Variants in NPAT observed in about 807,000 individuals in gnomAD.
NPAT encodes the protein nuclear protein, coactivator of histone transcription.
NPAT carries 52 observed loss-of-function variants against 130.7 expected under a neutral mutation model. The ratio of observed to expected loss-of-function variants is 0.40; its 90% CI spans 0.32 to 0.50. The LOEUF is 0.50. Ranked by LOEUF, NPAT falls within the 20% of genes least tolerant of loss-of-function variation. NPAT has a pLI of 0.68. For missense variants in NPAT, 1,687 were observed against 1,662.6 expected, an observed-to-expected ratio of 1.01 and a Z score of -0.26; for synonymous variants, 580 against 584.8, an observed-to-expected ratio of 0.99 and a Z score of 0.12.
chr11:108,180,252 A>G (rs1036565743), intron 10 of NPAT, among the ~76,000 whole-genome samples: 1 of 152,144 alleles, frequency 6.6e-6, no homozygotes, highest in African/African-American at 2.4e-5. Flanking sequence ...ACCTGAGCTC[A>G]AAGAGGTTCA....
intron 10 of NPAT, among the ~76,000 whole-genome samples, chr11:108,184,017 C>A (rs114402292): frequency 0.011 from 1,738 of 151,772 alleles, 36 homozygotes; most frequent in African/African-American, 0.04. Flanking sequence ...ATGAACAAAT[C>A]TTAAAACATA....
chr11:108,199,127 C>T (rs993507424), intron 1 of NPAT, among the ~76,000 whole-genome samples: 2 of 152,118 alleles, frequency 1.3e-5, no homozygotes, highest in Admixed American at 6.6e-5. Flanking sequence ...ATGCTGTGGG[C>T]GGTGGGAAGG....
At chr11:108,214,631 ATTTTT>A (rs575646719) in intron 1 of NPAT, among the ~76,000 whole-genome samples, 1 of 140,394 alleles carries the variant, frequency 7.1e-6, no homozygotes, top group Non-Finnish European at 1.6e-5. Flanking sequence ...TATGATTCCA[ATTTTT>A]TTTTTTTTTT....
chr11:108,194,530 C>T (rs980690856), intron 2 of NPAT, among the ~76,000 whole-genome samples: 4 of 152,192 alleles, frequency 2.6e-5, no homozygotes, highest in South Asian at 2.1e-4. Context: ...TATTCATCCA[C>T]GTTATTGTGT....
intron 12 of NPAT, among the ~76,000 whole-genome samples, chr11:108,174,521 C>T (rs2077985230): frequency 7.6e-6 from 1 of 132,442 alleles, no homozygotes; most frequent in Non-Finnish European, 1.6e-5. Context: ...ACAAAAGGTA[C>T]CATGAGAAAA....
chr11:108,190,331 A>G (rs1484143905), intron 5 of NPAT, 129 bp downstream of exon 5: 2 of 625,596 alleles, frequency 3.2e-6, no homozygotes, highest in Admixed American at 3.1e-5. Context: ...AAAAAAAAAA[A>G]AAAAAAGAAA....
intron 1 of NPAT, among the ~76,000 whole-genome samples, chr11:108,207,822 G>A (rs1001253326): frequency 6.6e-6 from 1 of 152,188 alleles, no homozygotes; most frequent in Non-Finnish European, 1.5e-5. Context: ...AAGGGGACAG[G>A]GCACCCATCT....
In NPAT at chr11:108,158,897, G is replaced by A; in HGVS notation, c.*45C>T. 9.0e-7 allele frequency: 1 copy of A among 1,111,430 alleles called. No homozygotes were observed. The highest frequency in any genetic ancestry group is 1.4e-6 in the Non-Finnish European group (1 of 726,866). The allele number at this position is 1,111,430 out of a possible 1,614,324, so 68.8% of individuals were successfully genotyped here. A position where few individuals can be genotyped will look rare whatever the true frequency, so the allele number is the denominator to read the frequency against. On this transcript the variant is annotated 3_prime_UTR_variant, in exon 18 of 18. Transcript: ENST00000278612. ...TCCCATTCCCTACACTCAGTTTAAG[G>A]GATATGAGTTTTTAACACCTACTGT...
chr11:108,177,802 C>G (rs959648402), intron 10 of NPAT, among the ~76,000 whole-genome samples: 1 of 152,106 alleles, frequency 6.6e-6, no homozygotes, highest in African/African-American at 2.4e-5. Flanking sequence ...TTCACTGCAG[C>G]CTTGACCTCC....
At chr11:108,191,172 T>C (rs754348128) in intron 4 of NPAT, among the ~76,000 whole-genome samples, 5 of 152,224 alleles carry the variant, frequency 3.3e-5, no homozygotes, top group Non-Finnish European at 7.3e-5. Flanking sequence ...TTCACAATTA[T>C]AGAGATGCCT....
intron 10 of NPAT, among the ~76,000 whole-genome samples, chr11:108,180,571 A>G (rs1467303869): frequency 1.3e-5 from 2 of 150,656 alleles, no homozygotes; most frequent in Non-Finnish European, 2.9e-5. Context: ...ATGAGGATGT[A>G]GATAAGTGAG....
At chr11:108,186,175 C>T (rs765602482) in intron 8 of NPAT, among the ~76,000 whole-genome samples, 11 of 152,070 alleles carry the variant, frequency 7.2e-5, no homozygotes, top group Non-Finnish European at 1.2e-4. Context: ...TGCTACCACA[C>T]CTAGCTAATA....
chr11:108,185,204 C>T lies in NPAT; in HGVS notation c.906+28G>A, dbSNP rs770686179. The T allele has an allele frequency of 4.2e-6, 6 of 1,444,962 alleles. No individual in the cohort carries two copies. In the Admixed American group the frequency reaches 5.1e-5, roughly 12 times the overall value. 89.5% of individuals were successfully genotyped at this position (1,444,962 alleles called of 1,614,324 possible). A position where few individuals can be genotyped will look rare whatever the true frequency, so the allele number is the denominator to read the frequency against. ...ATCTTAAGTATAAGTAACACACACGCACCCATGCACACCCCAACCACCCAT... is the reference window on the plus strand; with the variant it reads ...ATCTTAAGTATAAGTAACACACACGTACCCATGCACACCCCAACCACCCAT... On this transcript the variant is annotated intron_variant, in intron 10 of 17. Coordinates refer to ENST00000278612, the MANE Select transcript of NPAT (RefSeq NM_002519.3).
At chr11:108,216,957 G>C (rs1202893576) in intron 1 of NPAT, among the ~76,000 whole-genome samples, 1 of 152,118 alleles carries the variant, frequency 6.6e-6, no homozygotes, top group African/African-American at 2.4e-5. Context: ...TCATTATATA[G>C]CAAGTCCTCG....
intron 12 of NPAT, among the ~76,000 whole-genome samples, chr11:108,175,971 C>T (rs2078001600): frequency 6.6e-6 from 1 of 152,140 alleles, no homozygotes. Flanking sequence ...ATGATTGTGC[C>T]ACTGCACTCC....
intron 10 of NPAT, among the ~76,000 whole-genome samples, chr11:108,178,663 G>A (rs980030098): frequency 2.0e-5 from 3 of 152,004 alleles, no homozygotes; most frequent in South Asian, 2.1e-4. Context: ...TTCGAGACCC[G>A]CCTGGCCAAC....
rs190491586 is a variant in NPAT, at chr11:108,221,697, G to A, written c.37+803C>T. 3.4e-3 allele frequency among the ~76,000 whole-genome samples: 524 copies of A among 152,232 alleles called. 2 individuals are homozygous for A. The highest frequency in any genetic ancestry group is 6.7e-3 in the Admixed American group (102 of 15,300). ...TCGCATACGACGTCCGTAAATTACT[G>A]GCTCGGGTTTTGAGCTTTACCTGGC... On this transcript the variant is annotated intron_variant, in intron 1 of 17. Coordinates refer to ENST00000278612, the MANE Select transcript of NPAT (RefSeq NM_002519.3).
intron 17 of NPAT, among the ~76,000 whole-genome samples, chr11:108,160,499 A>G (rs576170818): frequency 6.6e-6 from 1 of 152,296 alleles, no homozygotes; most frequent in Non-Finnish European, 1.5e-5. Context: ...ATTGTTTCCC[A>G]ATCTTTCATG....
Position 108,161,563 on chromosome 11 carries a change from C to T in NPAT, c.3523G>A (p.Val1175Ile). The T allele has an allele frequency of 6.2e-7, 1 of 1,614,188 alleles. No homozygotes were observed. Among genetic ancestry groups the T allele is most frequent in the Non-Finnish European group, 8.5e-7 (1 of 1,180,020 alleles). ...TTTTCTGGATTTTTCTGTCTTTCTA[C>T]ATCGCTGCATAATTCATTCTCCTTA... ...ANKENELCSD[V>I]ERQKNPENSK... The change falls in exon 17 of 18, where the codon GTA (valine) becomes ATA (isoleucine). Residue 1175 changes from valine to isoleucine, a missense_variant. Val to Ile is a conservative substitution (Grantham distance 29, BLOSUM62 3). Transcript: ENST00000278612.
Sources: allele counts gnomAD v4.1 joint callset (sites outside exome capture counted in the v4.1 genomes callset), GRCh38; gene constraint gnomAD v4.1.1; transcripts MANE v1.5; gene names NCBI Gene and HGNC (gene_info 2026-07-23, HGNC 2026-07-21).